Variants in NUP160 observed in about 807,000 individuals in gnomAD.
NUP160 encodes the protein nucleoporin 160.
NUP160 carries 94 observed loss-of-function variants against 196.9 expected under a neutral mutation model. That is an observed-to-expected ratio of 0.48 (90% CI 0.40 to 0.57). NUP160 has a LOEUF of 0.57. NUP160 is among the 20% of genes least tolerant of loss of function. The pLI is 0.00. For missense variants in NUP160, 1,638 were observed against 1,748.3 expected (o/e 0.94, Z 1.13); for synonymous variants, 605 against 619.7 (o/e 0.98, Z 0.35).
intron 29 of NUP160, 96 bp downstream of exon 29, chr11:47,791,834 G>A (rs1328573520): frequency 4.7e-6 from 4 of 851,656 alleles, no homozygotes; most frequent in Middle Eastern, 2.3e-4. Context: ...ACTATTATAT[G>A]TAGCTTATTT....
chr11:47,793,053 C>A, intron 27 of NUP160, 107 bp from the exon 28 acceptor site: 1 of 856,124 alleles, frequency 1.2e-6, no homozygotes, highest in South Asian at 1.8e-5. Flanking sequence ...ATGGCTTGAT[C>A]TCAGCTCACT....
At chr11:47,822,150 C>G in exon 8 of NUP160, 1 of 1,606,064 alleles carries the variant, frequency 6.2e-7, no homozygotes, top group Non-Finnish European at 8.5e-7. Flanking sequence ...TGCTCACCAA[C>G]TGGAAAATGC....
At chr11:47,829,543 G>A (rs1358885492) in intron 7 of NUP160, among the ~76,000 whole-genome samples, 6 of 152,132 alleles carry the variant, frequency 3.9e-5, no homozygotes, top group African/African-American at 1.4e-4. Context: ...CTGGCCTCAA[G>A]TGATCTACCC....
chr11:47,847,651 G>C (rs1413735547), intron 2 of NUP160, among the ~76,000 whole-genome samples, 197 bp downstream of exon 2: 1 of 125,762 alleles, frequency 8.0e-6, no homozygotes, highest in African/African-American at 3.1e-5. Flanking sequence ...GTGGGGGTGG[G>C]GGGGGGGAGG....
chr11:47,816,086 G>A (rs7130715), intron 11 of NUP160, 57 bp from the exon 12 acceptor site: 1,172,813 of 1,191,904 alleles, frequency 0.98, 579,075 homozygotes, highest in East Asian at 1. Flanking sequence ...AATGGAAAAC[G>A]TTTCAGTTTA....
chr11:47,792,956 G>GATA lies in NUP160; in HGVS notation c.3290-13_3290-11dup, dbSNP rs1565189402. 1 of 1,600,810 alleles carries GATA rather than the reference G, an allele frequency of 6.2e-7. No individual in the cohort carries two copies. ...AACATCACTGTGCCAGCTATGAGGAGATAATAAATTAGACTTTAGAACTTC... is the reference window on the plus strand; with the variant it reads ...AACATCACTGTGCCAGCTATGAGGAGATAATAATAAATTAGACTTTAGAACTTC... On this transcript the variant is annotated splice_polypyrimidine_tract_variant and intron_variant, in intron 27 of 35. Transcript: ENST00000378460.
intron 32 of NUP160, among the ~76,000 whole-genome samples, chr11:47,785,884 T>C (rs2097664233): frequency 6.6e-6 from 1 of 152,204 alleles, no homozygotes; most frequent in Non-Finnish European, 1.5e-5. Context: ...TAATACCAAG[T>C]GCAAATGCAG....
At chr11:47,789,183 AT>A (rs1330713158) in intron 29 of NUP160, among the ~76,000 whole-genome samples, 5 of 151,646 alleles carry the variant, frequency 3.3e-5, no homozygotes, top group African/African-American at 1.2e-4. Flanking sequence ...AGCCTAAAAA[AT>A]TTTTTTTCTA....
chr11:47,824,638 C>T (rs1023889232), intron 7 of NUP160, among the ~76,000 whole-genome samples: 36 of 151,608 alleles, frequency 2.4e-4, no homozygotes, highest in African/African-American at 8.2e-4. Context: ...AAAAAACAAA[C>T]TTATTTATTT....
At chr11:47,837,404 G>A (rs549108095) in intron 5 of NUP160, 141 bp downstream of exon 5, 100 of 673,096 alleles carry the variant, frequency 1.5e-4, no homozygotes, top group Non-Finnish European at 2.1e-4. Flanking sequence ...GCTTTCCTCA[G>A]ATGGAATTTA....
At chr11:47,811,988 G>T in intron 17 of NUP160, 76 bp downstream of exon 17, 1 of 1,369,736 alleles carries the variant, frequency 7.3e-7, no homozygotes, top group Non-Finnish European at 1.0e-6. Context: ...TAGTAGGGCT[G>T]ACATTTTGCT....
At position 47,794,006 on chromosome 11, in the gene NUP160, A is replaced by C. The variant is rs371114078; in HGVS notation, c.3290-1060T>G. Among the ~76,000 whole-genome samples the C allele has an allele frequency of 8.5e-5, 13 of 152,276 alleles. No homozygotes were observed. In the East Asian group the frequency reaches 1.7e-3, roughly 20 times the overall value. ...TGAAATAAGACAGTCACAAAAAGAC[A>C]CATACTATATGATTCAAGCAGCCAA... On this transcript the variant is annotated intron_variant, in intron 27 of 35. Transcript: ENST00000378460.
At position 47,786,441 on chromosome 11, in the gene NUP160, C is replaced by G. The variant is rs1444362864; in HGVS notation, c.3848+12G>C. ...AGGCAAAACTACCCAGGGTTGAACA[C>G]CAGGGTTGTACCTAGACTCCTTAGT... is the stretch of plus-strand genomic sequence containing the variant. On this transcript the variant is annotated intron_variant, in intron 32 of 35. Coordinates refer to ENST00000378460, the Ensembl canonical transcript of NUP160. The G allele has an allele frequency of 6.3e-7, 1 of 1,582,320 alleles. No homozygotes were observed. Among genetic ancestry groups the G allele is most frequent in the Non-Finnish European group, 8.7e-7 (1 of 1,151,434 alleles).
At chr11:47,783,322 G>T (rs999014435) in intron 33 of NUP160, 124 bp from the exon 34 acceptor site, 1 of 1,231,320 alleles carries the variant, frequency 8.1e-7, no homozygotes, top group Non-Finnish European at 1.1e-6. Context: ...CCAGTGGCTT[G>T]GTTTACTCAT....
intron 27 of NUP160, among the ~76,000 whole-genome samples, chr11:47,794,083 AG>A (rs1355972664): frequency 6.6e-6 from 1 of 152,174 alleles, no homozygotes; most frequent in Non-Finnish European, 1.5e-5. Context: ...CGGGGTTGGG[AG>A]GAACAAGTAG....
intron 32 of NUP160, 29 bp downstream of exon 32, chr11:47,786,424 C>T (rs374993761): frequency 6.9e-7 from 1 of 1,439,092 alleles, no homozygotes; most frequent in Non-Finnish European, 9.7e-7. Flanking sequence ...AAAGGCAAAA[C>T]TACCCAGGGT....
At chr11:47,806,845 A>G (rs987531249) in intron 19 of NUP160, among the ~76,000 whole-genome samples, 5 of 143,638 alleles carry the variant, frequency 3.5e-5, no homozygotes, top group African/African-American at 7.7e-5. Context: ...ACACACACAC[A>G]CACACACATA....
chr11:47,829,962 A>G (rs953359884), intron 7 of NUP160, among the ~76,000 whole-genome samples: 3 of 152,242 alleles, frequency 2.0e-5, no homozygotes, highest in Non-Finnish European at 4.4e-5. Flanking sequence ...ATATTTGCAA[A>G]CTATGCATCT....
At chr11:47,807,021 C>A in intron 19 of NUP160, 49 bp downstream of exon 19, 1 of 1,331,306 alleles carries the variant, frequency 7.5e-7, no homozygotes, top group Admixed American at 1.8e-5. Flanking sequence ...AATGAATATG[C>A]AATAAATCCC....
Sources: allele counts gnomAD v4.1 joint callset (sites outside exome capture counted in the v4.1 genomes callset), GRCh38; gene constraint gnomAD v4.1.1; transcripts MANE v1.5; gene names NCBI Gene and HGNC (gene_info 2026-07-23, HGNC 2026-07-21).